The following EYA1 variants were observed in gnomAD, a reference collection of about 807,000 sequenced individuals.
EYA1 encodes the protein protein phosphatase EYA1.
Under a neutral mutation model 82.0 loss-of-function variants are expected in EYA1, and 16 were observed. The observed-to-expected ratio is 0.20, with a 90% CI of 0.13 to 0.30. The LOEUF (loss-of-function observed/expected upper bound fraction) is 0.30, where lower values mean the gene tolerates loss of function less well. Ranked by LOEUF, EYA1 falls within the 10% of genes least tolerant of loss-of-function variation. The pLI is 1.00. For synonymous variants in EYA1, 261 were observed against 264.4 expected (o/e 0.99, Z 0.12); for missense variants, 633 against 730.7 (o/e 0.87, Z 1.54).
chr8:71,368,369 C>A (rs1448668565), intron 2 of EYA1, among the ~76,000 whole-genome samples: 1 of 151,908 alleles, frequency 6.6e-6, no homozygotes. Flanking sequence ...TTAGCTTTGG[C>A]CTCTCGGGAT....
At chr8:71,436,715 T>C (rs867206691) in intron 2 of EYA1, among the ~76,000 whole-genome samples, 14 of 152,274 alleles carry the variant, frequency 9.2e-5, no homozygotes, top group Middle Eastern at 6.8e-3. Context: ...GAACTGCTAA[T>C]GACACTTAAA....
intron 1 of EYA1, among the ~76,000 whole-genome samples, chr8:71,536,167 G>A (rs1814695412): frequency 6.6e-6 from 1 of 152,116 alleles, no homozygotes; most frequent in Non-Finnish European, 1.5e-5. Flanking sequence ...CAGTACAAGA[G>A]CTTTTTTTCT....
intron 2 of EYA1, among the ~76,000 whole-genome samples, chr8:71,399,049 G>C (rs1334066274): frequency 6.6e-6 from 1 of 152,222 alleles, no homozygotes; most frequent in Non-Finnish European, 1.5e-5. Flanking sequence ...TCAGACTGCT[G>C]TGTTAGCAGT....
chr8:71,482,853 G>C (rs1203580118), intron 2 of EYA1, among the ~76,000 whole-genome samples: 3 of 152,200 alleles, frequency 2.0e-5, no homozygotes, highest in African/African-American at 7.2e-5. Context: ...CTATTGGTCA[G>C]AGTAGAGGTT....
At chr8:71,393,135 G>C (rs1346316392) in intron 2 of EYA1, among the ~76,000 whole-genome samples, 1 of 152,116 alleles carries the variant, frequency 6.6e-6, no homozygotes, top group Non-Finnish European at 1.5e-5. Flanking sequence ...ACACTGGAAA[G>C]TAAGTACAAG....
At chr8:71,375,381 C>T (rs1828314572) in intron 2 of EYA1, among the ~76,000 whole-genome samples, 1 of 151,854 alleles carries the variant, frequency 6.6e-6, no homozygotes, top group South Asian at 2.1e-4. Context: ...AACAAAAAAT[C>T]AACAAAAATC....
At chr8:71,229,819 G>C (rs1810985854) in intron 12 of EYA1, among the ~76,000 whole-genome samples, 1 of 152,180 alleles carries the variant, frequency 6.6e-6, no homozygotes, top group South Asian at 2.1e-4. Flanking sequence ...GGACAGAAGA[G>C]TTCCCTTTAA....
At chr8:71,494,960 A>T (rs1414318708) in intron 2 of EYA1, among the ~76,000 whole-genome samples, 1 of 152,160 alleles carries the variant, frequency 6.6e-6, no homozygotes, top group African/African-American at 2.4e-5. Context: ...ATTTACAAAC[A>T]TAGCAATAGT....
At chr8:71,510,201 A>T (rs532162985) in intron 2 of EYA1, among the ~76,000 whole-genome samples, 1 of 152,298 alleles carries the variant, frequency 6.6e-6, no homozygotes, top group African/African-American at 2.4e-5. Context: ...ACTCAAAATG[A>T]TGAGAGACTC....
intron 2 of EYA1, among the ~76,000 whole-genome samples, chr8:71,394,666 C>G (rs1326086190): frequency 1.3e-5 from 2 of 152,074 alleles, no homozygotes; most frequent in Non-Finnish European, 2.9e-5. Flanking sequence ...TGTTTTGGTA[C>G]CAGTACCATG....
intron 2 of EYA1, among the ~76,000 whole-genome samples, chr8:71,496,361 T>C (rs1465045325): frequency 1.3e-5 from 2 of 152,240 alleles, no homozygotes; most frequent in Non-Finnish European, 2.9e-5. Flanking sequence ...CATTGTATTA[T>C]GGGTCTTTGC....
At chr8:71,523,944 A>G (rs1239033861) in intron 2 of EYA1, among the ~76,000 whole-genome samples, 1 of 152,228 alleles carries the variant, frequency 6.6e-6, no homozygotes, top group Non-Finnish European at 1.5e-5. Context: ...TGATTTTGTT[A>G]GTCCCCACTA....
chr8:71,384,071 G>C (rs1586598757), intron 2 of EYA1, among the ~76,000 whole-genome samples: 2 of 151,650 alleles, frequency 1.3e-5, no homozygotes, highest in East Asian at 3.9e-4. Context: ...AATTTTAAGT[G>C]TCTTTCCATA....
intron 9 of EYA1, among the ~76,000 whole-genome samples, chr8:71,292,884 A>C (rs1819159414): frequency 6.6e-6 from 1 of 152,036 alleles, no homozygotes; most frequent in Non-Finnish European, 1.5e-5. Context: ...CACTCTTAGG[A>C]AACTATAAAA....
At chr8:71,294,241 C>G (rs1286960164) in intron 9 of EYA1, among the ~76,000 whole-genome samples, 1 of 152,046 alleles carries the variant, frequency 6.6e-6, no homozygotes, top group African/African-American at 2.4e-5. Context: ...GGGTGGATCA[C>G]GAGGTCAGGA....
At chr8:71,431,842 C>T (rs1325188542) in intron 2 of EYA1, among the ~76,000 whole-genome samples, 2 of 152,134 alleles carry the variant, frequency 1.3e-5, no homozygotes, top group African/African-American at 4.8e-5. Flanking sequence ...TTTCATCCAC[C>T]TAATCATAAC....
At chr8:71,220,764 G>A (rs1809799943) in intron 12 of EYA1, among the ~76,000 whole-genome samples, 1 of 152,224 alleles carries the variant, frequency 6.6e-6, no homozygotes, top group South Asian at 2.1e-4. Flanking sequence ...GTGGGTGTGA[G>A]GGAAAGAGTT....
chr8:71,212,473 G>A (rs932822486), intron 16 of EYA1, among the ~76,000 whole-genome samples: 4 of 152,118 alleles, frequency 2.6e-5, no homozygotes, highest in South Asian at 2.1e-4. Flanking sequence ...ATGCTTATGC[G>A]TTTTTGCAAA....
intron 9 of EYA1, among the ~76,000 whole-genome samples, chr8:71,289,889 A>T (rs933869602): frequency 2.6e-5 from 4 of 152,238 alleles, no homozygotes; most frequent in Admixed American, 2.6e-4. Flanking sequence ...AACAGCATGT[A>T]TAGTACTCTA....
Sources: gnomAD v4.1 joint callset for allele counts (sites outside exome capture counted in the v4.1 genomes callset) on GRCh38, gnomAD v4.1.1 for gene constraint, MANE v1.5 for transcripts, NCBI Gene and HGNC (gene_info 2026-07-23, HGNC 2026-07-21) for gene names.